The following DNAI4 variants were observed in gnomAD, a reference collection of about 807,000 sequenced individuals.
The protein encoded by DNAI4 is WD repeat domain 78.
DNAI4 carries 85 observed loss-of-function variants against 105.8 expected under a neutral mutation model. The observed-to-expected ratio is 0.80, with a 90% confidence interval of 0.67 to 0.96. The LOEUF (loss-of-function observed/expected upper bound fraction) is 0.96, where lower values mean the gene tolerates loss of function less well. Ranked by LOEUF, DNAI4 falls within the 40% of genes least tolerant of loss-of-function variation. The probability of loss-of-function intolerance (pLI) is 0.00; values close to 1 mark genes in which losing one functional copy is unlikely to be tolerated. For missense variants in DNAI4, 1,014 were observed against 1,005.6 expected, an observed-to-expected ratio of 1.01 and a Z score of -0.11; for synonymous variants, 352 against 331.5, an observed-to-expected ratio of 1.06 and a Z score of -0.67.
At chr1:66,836,688 T>A (rs1159355013) in intron 10 of DNAI4, among the ~76,000 whole-genome samples, 1 of 152,242 alleles carries the variant, frequency 6.6e-6, no homozygotes, top group East Asian at 1.9e-4. Context: ...TCCCTCCACA[T>A]TTAAAATTGC....
intron 1 of DNAI4, among the ~76,000 whole-genome samples, chr1:66,911,125 T>A (rs533507569): frequency 4.3e-4 from 65 of 152,366 alleles, no homozygotes; most frequent in Admixed American, 2.4e-3. Flanking sequence ...CTGAATGACC[T>A]GCTATAAAAT....
chr1:66,911,834 T>TGAGAC (rs2100862286), intron 1 of DNAI4, among the ~76,000 whole-genome samples: 1 of 63,964 alleles, frequency 1.6e-5, no homozygotes, highest in African/African-American at 7.0e-5. Context: ...CCTCTGCTCA[T>TGAGAC]AGATGCATAT....
intron 2 of DNAI4, among the ~76,000 whole-genome samples, chr1:66,902,725 T>C (rs545110373): frequency 6.6e-6 from 1 of 152,364 alleles, no homozygotes; most frequent in East Asian, 1.9e-4. Context: ...TTGCAGATGG[T>C]ATAAGGTAAG....
At chr1:66,873,647 G>C (rs1209352560) in intron 5 of DNAI4, among the ~76,000 whole-genome samples, 1 of 152,148 alleles carries the variant, frequency 6.6e-6, no homozygotes, top group Admixed American at 6.5e-5. Context: ...ACTGGCCTAG[G>C]ATCAGTTGAG....
intron 2 of DNAI4, among the ~76,000 whole-genome samples, chr1:66,900,039 C>T (rs1210879824): frequency 6.6e-6 from 1 of 152,060 alleles, no homozygotes; most frequent in Non-Finnish European, 1.5e-5. Flanking sequence ...TCTTCTGGGT[C>T]CTCTGTGATT....
At chr1:66,883,180 C>CTTTTTTT (rs755412295) in intron 4 of DNAI4, among the ~76,000 whole-genome samples, 35 of 93,004 alleles carry the variant, frequency 3.8e-4, no homozygotes, top group African/African-American at 1.1e-3. Flanking sequence ...GTTTTCTTTT[C>CTTTTTTT]TTTTTTTTTT....
intron 6 of DNAI4, among the ~76,000 whole-genome samples, chr1:66,867,546 T>C (rs1291361802): frequency 6.6e-6 from 1 of 152,178 alleles, no homozygotes; most frequent in East Asian, 1.9e-4. Flanking sequence ...ATCTTTTTAT[T>C]CTTTGGATTT....
intron 2 of DNAI4, among the ~76,000 whole-genome samples, chr1:66,904,399 C>T (rs1347779707): frequency 2.0e-5 from 3 of 152,086 alleles, no homozygotes; most frequent in South Asian, 2.1e-4. Context: ...TTTAGCCATT[C>T]TAATAGGTAC....
chr1:66,814,406 G>T (rs912447186), intron 16 of DNAI4, among the ~76,000 whole-genome samples: 8 of 151,550 alleles, frequency 5.3e-5, no homozygotes, highest in Admixed American at 5.3e-4. Flanking sequence ...GTCTTGCTCT[G>T]TCGCCAGGCT....
At chr1:66,918,891 C>A (rs1230325147) in intron 1 of DNAI4, 1 of 160,664 alleles carries the variant, frequency 6.2e-6, no homozygotes, top group Non-Finnish European at 1.4e-5. Flanking sequence ...CTGCTCAAGA[C>A]AAACCTGCCT....
intron 9 of DNAI4, among the ~76,000 whole-genome samples, chr1:66,838,818 G>A (rs1445412292): frequency 6.6e-6 from 1 of 152,086 alleles, no homozygotes; most frequent in Non-Finnish European, 1.5e-5. Flanking sequence ...AAACATTCAA[G>A]AGCTTCTTGT....
intron 15 of DNAI4, among the ~76,000 whole-genome samples, chr1:66,823,484 A>C (rs1229261867): frequency 3.4e-5 from 5 of 149,026 alleles, no homozygotes; most frequent in African/African-American, 7.3e-5. Flanking sequence ...GAATCGCCAC[A>C]CTGACTTCCA....
At chr1:66,826,014 T>C (rs987140065) in intron 15 of DNAI4, among the ~76,000 whole-genome samples, 12 of 152,078 alleles carry the variant, frequency 7.9e-5, no homozygotes, top group African/African-American at 1.2e-4. Context: ...AAGAATAAAT[T>C]AATTTAGACA....
chr1:66,891,104 T>C, intron 4 of DNAI4, 50 bp downstream of exon 4: 1 of 1,314,930 alleles, frequency 7.6e-7, no homozygotes, highest in Non-Finnish European at 1.1e-6. Flanking sequence ...AATAAGCATA[T>C]TGACTAAATA....
At chr1:66,866,974 C>T (rs1481858700) in intron 6 of DNAI4, among the ~76,000 whole-genome samples, 6 of 152,092 alleles carry the variant, frequency 3.9e-5, no homozygotes, top group South Asian at 2.1e-4. Context: ...AAGCGAGTGA[C>T]GAGCGAAGGG....
chr1:66,847,725 G>T (rs760364473), intron 7 of DNAI4, 47 bp from the exon 8 acceptor site: 1 of 1,345,778 alleles, frequency 7.4e-7, no homozygotes, highest in South Asian at 1.3e-5. Context: ...CAAATGGATG[G>T]TTCATACATT....
intron 8 of DNAI4, among the ~76,000 whole-genome samples, chr1:66,845,181 A>G: frequency 1.2e-5 from 1 of 84,422 alleles, no homozygotes; most frequent in Non-Finnish European, 2.3e-5. Context: ...ACAGAGCGAA[A>G]CTCCATCTCA....
chr1:66,827,071 G>A, intron 14 of DNAI4, 25 bp from the exon 15 acceptor site: 1 of 1,528,298 alleles, frequency 6.5e-7, no homozygotes, highest in Non-Finnish European at 8.9e-7. Flanking sequence ...AAAATACATA[G>A]GTAAATAATA....
intron 8 of DNAI4, among the ~76,000 whole-genome samples, chr1:66,846,477 T>G (rs898638864): frequency 5.9e-5 from 9 of 152,178 alleles, no homozygotes; most frequent in African/African-American, 2.2e-4. Context: ...GGGTAGACTG[T>G]CAAGCAAATT....
Sources: gnomAD v4.1 joint callset for allele counts (sites outside exome capture counted in the v4.1 genomes callset) on GRCh38, gnomAD v4.1.1 for gene constraint, MANE v1.5 for transcripts, NCBI Gene and HGNC (gene_info 2026-07-23, HGNC 2026-07-21) for gene names.